The following MFSD11 variants were observed in gnomAD, a reference collection of about 807,000 sequenced individuals.
MFSD11 encodes major facilitator superfamily domain containing 11.
Under a neutral mutation model 53.5 loss-of-function variants are expected in MFSD11, and 36 were observed. The observed-to-expected ratio is 0.67, with a 90% CI of 0.52 to 0.89. The LOEUF (loss-of-function observed/expected upper bound fraction) is 0.89, where lower values mean the gene tolerates loss of function less well. Among genes scored for constraint, MFSD11 ranks in the 40% least tolerant of loss-of-function variants. The pLI, the probability that MFSD11 is intolerant of heterozygous loss-of-function variation, is 0.00. For missense variants in MFSD11, 530 were observed against 543.9 expected, an observed-to-expected ratio of 0.97 and a Z score of 0.25; for synonymous variants, 186 against 184.9, an observed-to-expected ratio of 1.01 and a Z score of -0.05.
chr17:76,765,931 A>G (rs1332670949), intron 8 of MFSD11, among the ~76,000 whole-genome samples: 1 of 151,542 alleles, frequency 6.6e-6, no homozygotes, highest in East Asian at 1.9e-4. Flanking sequence ...ACCAGAGCAC[A>G]TTTGTTATAA....
Position 76,778,824 on chromosome 17 carries a change from G to T in MFSD11, c.*472G>T, listed in dbSNP as rs58520410. 3,806 of 159,804 alleles carry T rather than the reference G, an allele frequency of 0.024. 154 individuals are homozygous for T. Among genetic ancestry groups the T allele is most frequent in the African/African-American group, 0.086 (3,565 of 41,568 alleles). The allele number at this position is 159,804 out of a possible 1,614,324, so 9.9% of individuals were successfully genotyped here. A position where few individuals can be genotyped will look rare whatever the true frequency, so the allele number is the denominator to read the frequency against. ...AATAAATAGCAAAGCTGGGTGTGGT[G>T]TTGCACCGCTATACTCCCAGCTGTT... On this transcript the variant is annotated 3_prime_UTR_variant, in exon 13 of 13. Transcript: ENST00000685175.
chr17:76,753,196 A>G (rs2079216408), intron 7 of MFSD11, among the ~76,000 whole-genome samples: 1 of 152,218 alleles, frequency 6.6e-6, no homozygotes. Flanking sequence ...CCAAACAGTC[A>G]TAGCAGCAAG....
At chr17:76,753,187 C>T (rs1326980300) in intron 7 of MFSD11, among the ~76,000 whole-genome samples, 1 of 152,122 alleles carries the variant, frequency 6.6e-6, no homozygotes, top group African/African-American at 2.4e-5. Flanking sequence ...TCTCGATACC[C>T]AAACAGTCAT....
chr17:76,737,313 G>A (rs866421706), upstream of MFSD11: 3 of 1,095,172 alleles, frequency 2.7e-6, no homozygotes, highest in Admixed American at 2.9e-5. Flanking sequence ...CCGCAGGCTA[G>A]CGCACCTGAG....
chr17:76,773,583 GT>G (rs1197954292), intron 10 of MFSD11, among the ~76,000 whole-genome samples: 1 of 151,876 alleles, frequency 6.6e-6, no homozygotes, highest in Non-Finnish European at 1.5e-5. Context: ...TTTTTGTTTT[GT>G]TTTGTTTTTA....
At chr17:76,738,542 T>G in intron 1 of MFSD11, 94 bp downstream of exon 1, 7 of 849,936 alleles carry the variant, frequency 8.2e-6, no homozygotes, top group Non-Finnish European at 1.3e-5. Context: ...TAGCGCGCTT[T>G]AATTGCATCT....
chr17:76,798,749 A>G, the MFSD11 span, among the ~76,000 whole-genome samples: 109,029 of 152,016 alleles, frequency 0.72, 40,024 homozygotes, highest in Middle Eastern at 0.81. Flanking sequence ...GAAATGAGGC[A>G]GGGCATGGTG....
intron 12 of MFSD11, among the ~76,000 whole-genome samples, chr17:76,777,910 C>G (rs2081990134): frequency 6.6e-6 from 1 of 152,140 alleles, no homozygotes; most frequent in African/African-American, 2.4e-5. Flanking sequence ...AACTCCTGGG[C>G]TCAAGCATTT....
At chr17:76,753,687 C>CA (rs11393515) in intron 7 of MFSD11, among the ~76,000 whole-genome samples, 117,910 of 127,214 alleles carry the variant, frequency 0.93, 54,927 homozygotes, top group East Asian at 0.98. Flanking sequence ...GACCCTGTCT[C>CA]AAAAAAAAAA....
At chr17:76,758,848 C>G (rs542890582) in intron 8 of MFSD11, among the ~76,000 whole-genome samples, 1 of 152,092 alleles carries the variant, frequency 6.6e-6, no homozygotes, top group Non-Finnish European at 1.5e-5. Flanking sequence ...ACCCCTACCC[C>G]CCACACACAG....
intron 2 of MFSD11, among the ~76,000 whole-genome samples, chr17:76,739,665 T>C (rs1014939618): frequency 6.6e-6 from 1 of 152,228 alleles, no homozygotes; most frequent in Non-Finnish European, 1.5e-5. Flanking sequence ...TACATTGAGC[T>C]GTAGAAACAG....
At chr17:76,739,319 A>G (rs1319198891) in intron 2 of MFSD11, among the ~76,000 whole-genome samples, 1 of 152,220 alleles carries the variant, frequency 6.6e-6, no homozygotes, top group African/African-American at 2.4e-5. Flanking sequence ...GCACTCTAGT[A>G]TTGTCATGAT....
At chr17:76,740,273 A>G (rs1052846659) in intron 2 of MFSD11, among the ~76,000 whole-genome samples, 2 of 152,126 alleles carry the variant, frequency 1.3e-5, no homozygotes, top group African/African-American at 4.8e-5. Flanking sequence ...TATGAATAGT[A>G]TCTAGTAAAT....
At chr17:76,785,833 C>T (rs533822599), downstream of MFSD11, among the ~76,000 whole-genome samples, 1 of 151,894 alleles carries the variant, frequency 6.6e-6, no homozygotes, top group African/African-American at 2.4e-5. Context: ...AAAATCCCAG[C>T]GCTTTGGGAG....
chr17:76,743,291 CCTT>C (rs1408437726), intron 5 of MFSD11, 104 bp from the exon 6 acceptor site: 3 of 715,632 alleles, frequency 4.2e-6, no homozygotes, highest in Non-Finnish European at 6.8e-6. Flanking sequence ...AAAATGATGT[CCTT>C]CTCTCTCCCT....
At chr17:76,756,834 TGG>T (rs2079687543) in intron 8 of MFSD11, among the ~76,000 whole-genome samples, 1 of 146,254 alleles carries the variant, frequency 6.8e-6, no homozygotes, top group African/African-American at 2.6e-5. Context: ...CACTCCAGCC[TGG>T]GCGACAGAGT....
the MFSD11 span, among the ~76,000 whole-genome samples, chr17:76,795,088 A>G: frequency 8.5e-5 from 13 of 152,262 alleles, no homozygotes; most frequent in African/African-American, 2.4e-4. Flanking sequence ...AAAAAATTGT[A>G]TCTGTACTGA....
the MFSD11 span, among the ~76,000 whole-genome samples, chr17:76,792,956 G>A: frequency 6.6e-6 from 1 of 151,452 alleles, no homozygotes; most frequent in Non-Finnish European, 1.5e-5. Flanking sequence ...AAACCAGCAA[G>A]TTTTTATTAG....
In MFSD11 at chr17:76,775,018, T is replaced by C; in HGVS notation, c.896T>C (p.Leu299Pro). ...EILGGSLFGLLSKNNRFGRNP... is the reference protein window; with the variant it reads ...EILGGSLFGLPSKNNRFGRNP... ...ATAGGTGGAAGCCTCTTCGGCCTGC[T>C]GAGCAAGAACAATCGTTTTGGTAGA... Residue 299 changes from leucine (L) to proline (P), a missense_variant, in exon 11 of 13, where the codon CTG becomes CCG. Coordinates refer to ENST00000685175, the MANE Select transcript of MFSD11 (RefSeq NM_001242532.5). The C allele has an allele frequency of 6.2e-7, 1 of 1,613,982 alleles. No individual in the cohort carries two copies. Among genetic ancestry groups the C allele is most frequent in the Non-Finnish European group, 8.5e-7 (1 of 1,179,904 alleles).
Sources: allele counts gnomAD v4.1 joint callset (sites outside exome capture counted in the v4.1 genomes callset), GRCh38; gene constraint gnomAD v4.1.1; transcripts MANE v1.5; gene names NCBI Gene and HGNC (gene_info 2026-07-23, HGNC 2026-07-21).